Variants in APTX observed in about 807,000 individuals in gnomAD.
APTX encodes forkhead-associated domain histidine triad-like protein.
APTX carries 33 observed loss-of-function variants against 42.3 expected under a neutral mutation model. That is an observed-to-expected ratio of 0.78 (90% CI 0.59 to 1.04). APTX has a LOEUF of 1.04. Ranked by LOEUF, APTX falls within the 50% of genes least tolerant of loss-of-function variation. APTX has a pLI of 0.00. For synonymous variants in APTX, 130 were observed against 146.7 expected (o/e 0.89, Z 0.82); for missense variants, 421 against 415.1 (o/e 1.01, Z -0.12).
chr9:32,978,292 G>A (rs1829929013), intron 6 of APTX, among the ~76,000 whole-genome samples: 1 of 152,182 alleles, frequency 6.6e-6, no homozygotes, highest in African/African-American at 2.4e-5. Context: ...CCAGGTATGG[G>A]AATGGCAGTC....
At position 32,973,297 on chromosome 9, in the gene APTX, C is replaced by T. The variant is rs1828481134; in HGVS notation, c.*201G>A. 1.4e-6 allele frequency: 1 copy of T among 689,724 alleles called. No homozygotes were observed. The highest frequency in any genetic ancestry group is 1.5e-5 in the South Asian group (1 of 66,938). The allele number at this position is 689,724 out of a possible 1,614,324, so 42.7% of individuals were successfully genotyped here. On this transcript the variant is annotated 3_prime_UTR_variant, in exon 8 of 8. Coordinates refer to ENST00000379817, the MANE Select transcript of APTX (RefSeq NM_001195248.2). ...TCCCAGCCACCCTCACCAGAGAATA[C>T]ATCTATGACAAACCCAAATTCCTAA...
upstream of APTX, among the ~76,000 whole-genome samples, chr9:33,004,058 C>T (rs542740342): frequency 5.9e-5 from 9 of 152,262 alleles, no homozygotes; most frequent in Admixed American, 2.6e-4. Context: ...AAGAAAATGT[C>T]GTACATATAC....
chr9:33,014,052 T>G (rs1837728634), intron 1 of APTX, among the ~76,000 whole-genome samples: 1 of 152,218 alleles, frequency 6.6e-6, no homozygotes, highest in South Asian at 2.1e-4. Flanking sequence ...GCTAATTCAG[T>G]GCAGAGTCCC....
intron 6 of APTX, among the ~76,000 whole-genome samples, chr9:32,976,622 T>C (rs1829487319): frequency 6.6e-6 from 1 of 152,242 alleles, no homozygotes; most frequent in Non-Finnish European, 1.5e-5. Context: ...AACTGCATTA[T>C]ACTAACATTT....
rs74178838 is a variant in APTX, at chr9:33,000,845, C to CTT, written c.-5+720_-5+721dup. Reference sequence around the variant, plus strand: ...ATGGGGAAAGGCTTTTTTTTTTTTTCTTTTTTTTTTTTTTTTTGAGACGGA... The same window carrying CTT: ...ATGGGGAAAGGCTTTTTTTTTTTTTCTTTTTTTTTTTTTTTTTTTGAGACGGA... On this transcript the variant is annotated intron_variant, in intron 1 of 7. Coordinates refer to ENST00000379817, the MANE Select transcript of APTX (RefSeq NM_001195248.2). 3.9e-3 allele frequency among the ~76,000 whole-genome samples: 382 copies of CTT among 98,796 alleles called. 2 individuals carry two copies. The highest frequency in any genetic ancestry group is 6.0e-3 in the Middle Eastern group (1 of 166). The allele number at this position is 98,796 out of a possible 152,430, so 64.8% of individuals were successfully genotyped here.
intron 1 of APTX, among the ~76,000 whole-genome samples, chr9:33,023,448 T>C (rs747276669): frequency 4.0e-5 from 6 of 150,502 alleles, no homozygotes; most frequent in Non-Finnish European, 8.9e-5. Context: ...GGTCTAGAAC[T>C]CCGGATCTCA....
chr9:32,974,777 T>C (rs1477725844), intron 6 of APTX, among the ~76,000 whole-genome samples: 1 of 152,188 alleles, frequency 6.6e-6, no homozygotes, highest in Non-Finnish European at 1.5e-5. Context: ...GGCCAAACAC[T>C]GTTCCAGGCA....
intron 6 of APTX, 62 bp downstream of exon 6, chr9:32,984,569 G>C: frequency 1.3e-6 from 2 of 1,537,046 alleles, no homozygotes; most frequent in Non-Finnish European, 9.0e-7. Flanking sequence ...GCAAGCCCAG[G>C]CTGAATCTAT....
upstream of APTX, among the ~76,000 whole-genome samples, chr9:33,002,112 G>A (rs1034926006): frequency 1.3e-5 from 2 of 152,154 alleles, no homozygotes; most frequent in Admixed American, 1.3e-4. Context: ...TAAATGAACT[G>A]AGGGGCAATC....
At chr9:33,001,711 C>G, upstream of APTX, 2 of 1,464,234 alleles carry the variant, frequency 1.4e-6, no homozygotes, top group Admixed American at 1.9e-5. Flanking sequence ...AAGAATCTTG[C>G]CCACTTCCCA....
chr9:33,019,708 G>A lies in APTX; in HGVS notation c.-5+5315C>T, dbSNP rs1838212039. On this transcript the variant is annotated intron_variant, in intron 1 of 6. Transcript: ENST00000436040. ...CCATTTTCCCAGGCCAGGCTTAGCGGGAAACTGGGGGCCCAAAGTGCTGCA... is the reference window on the plus strand; with the variant it reads ...CCATTTTCCCAGGCCAGGCTTAGCGAGAAACTGGGGGCCCAAAGTGCTGCA... 7.6e-6 allele frequency: 4 copies of A among 524,996 alleles called. No homozygotes were observed. In the East Asian group the frequency reaches 1.4e-4, roughly 18 times the overall value. The allele number at this position is 524,996 out of a possible 1,614,324, so 32.5% of individuals were successfully genotyped here.
At chr9:32,974,147 T>C (rs773651732) in intron 7 of APTX, among the ~76,000 whole-genome samples, 1 of 152,152 alleles carries the variant, frequency 6.6e-6, no homozygotes, top group Non-Finnish European at 1.5e-5. Flanking sequence ...AGACAAAGAA[T>C]TGTCCACAGC....
At chr9:32,979,428 A>G (rs897551057) in intron 6 of APTX, 2 of 152,220 alleles carry the variant, frequency 1.3e-5, no homozygotes, top group African/African-American at 4.8e-5. Context: ...CATTTTCTTC[A>G]TCCAGTCTAC....
At position 33,019,956 on chromosome 9, in the gene APTX, G is replaced by A. The variant is rs1017205586; in HGVS notation, c.-5+5067C>T. 55 of 445,362 alleles carry A rather than the reference G, an allele frequency of 1.2e-4. No homozygotes were observed. The Admixed American group carries it at 1.5e-3, about 12-fold the overall frequency. 27.6% of individuals were successfully genotyped at this position (445,362 alleles called of 1,614,324 possible). Reference sequence around the variant, plus strand: ...GGCACGCTGAGGGTGAATATGTGCGGCCGCATTCCTGGCCCTTGGCCACAG... The same window carrying A: ...GGCACGCTGAGGGTGAATATGTGCGACCGCATTCCTGGCCCTTGGCCACAG... On this transcript the variant is annotated intron_variant, in intron 1 of 6. Transcript: ENST00000436040.
intron 1 of APTX, among the ~76,000 whole-genome samples, chr9:32,995,391 G>T (rs181888805): frequency 6.6e-6 from 1 of 152,286 alleles, no homozygotes. Flanking sequence ...AGGGGTTCAA[G>T]ACTTCAATGG....
upstream of APTX, among the ~76,000 whole-genome samples, chr9:33,004,935 C>T (rs568293048): frequency 5.1e-4 from 77 of 152,062 alleles, 1 homozygote; most frequent in South Asian, 0.015. Context: ...CCACTGCGCC[C>T]GGCCGCTTGT....
At chr9:32,995,458 T>C (rs2119000883) in intron 1 of APTX, among the ~76,000 whole-genome samples, 1 of 152,318 alleles carries the variant, frequency 6.6e-6, no homozygotes, top group East Asian at 1.9e-4. Flanking sequence ...AAGTAGAACC[T>C]GAAGATGTGA....
chr9:33,012,825 C>T (rs1184479863), intron 1 of APTX, among the ~76,000 whole-genome samples: 1 of 152,220 alleles, frequency 6.6e-6, no homozygotes, highest in African/African-American at 2.4e-5. Flanking sequence ...AACCAGAACA[C>T]TCCCTTTTAG....
At chr9:33,020,854 G>A (rs1838315565) in intron 1 of APTX, among the ~76,000 whole-genome samples, 1 of 152,242 alleles carries the variant, frequency 6.6e-6, no homozygotes, top group Admixed American at 6.5e-5. Flanking sequence ...TATTGGCCAG[G>A]CGTGGTGGCT....
Sources: allele counts gnomAD v4.1 joint callset (sites outside exome capture counted in the v4.1 genomes callset), GRCh38; gene constraint gnomAD v4.1.1; transcripts MANE v1.5; gene names NCBI Gene and HGNC (gene_info 2026-07-23, HGNC 2026-07-21).